GIGYF2: variants seen among roughly 807,000 people sequenced by gnomAD.
GIGYF2 encodes the protein GRB10 interacting GYF protein 2.
In GIGYF2, 25 loss-of-function variants were observed where a neutral mutation model predicts 208.1. The ratio of observed to expected loss-of-function variants is 0.12; its 90% confidence interval spans 0.09 to 0.17. The LOEUF is 0.17. Ranked by LOEUF, GIGYF2 falls within the 10% of genes least tolerant of loss-of-function variation. The pLI, the probability that GIGYF2 is intolerant of heterozygous loss-of-function variation, is 1.00. For synonymous variants in GIGYF2, 534 were observed against 543.8 expected (o/e 0.98, Z 0.25); for missense variants, 1,302 against 1,579.4 (o/e 0.82, Z 2.98).
At chr2:232,725,727 G>GT (rs1184351320) in intron 2 of GIGYF2, among the ~76,000 whole-genome samples, 2 of 152,142 alleles carry the variant, frequency 1.3e-5, no homozygotes, top group Non-Finnish European at 2.9e-5. Context: ...GGTACTCATT[G>GT]TTTTTTTATT....
At position 232,711,707 on chromosome 2, in the gene GIGYF2, A is replaced by G. The variant is rs13432446; in HGVS notation, c.-44+8218A>G. Reference sequence around the variant, plus strand: ...AGGAAAATTATCCTCACAATGATGTATATATATATATATATATATAGTTGT... The same window carrying G: ...AGGAAAATTATCCTCACAATGATGTGTATATATATATATATATATAGTTGT... On this transcript the variant is annotated intron_variant, in intron 2 of 28. Coordinates refer to ENST00000373563, the MANE Select transcript of GIGYF2 (RefSeq NM_001103146.3). Among the ~76,000 whole-genome samples, 108 of 134,322 alleles carry G rather than the reference A, an allele frequency of 8.0e-4. 1 individual carries two copies. The highest frequency in any genetic ancestry group is 2.1e-3 in the South Asian group (9 of 4,328). The allele number at this position is 134,322 out of a possible 152,430, so 88.1% of individuals were successfully genotyped here.
At chr2:232,854,780 G>A (rs1225177809) in intron 28 of GIGYF2, among the ~76,000 whole-genome samples, 2 of 152,120 alleles carry the variant, frequency 1.3e-5, no homozygotes, top group Non-Finnish European at 2.9e-5. Context: ...CATTTCAAAT[G>A]TGTATTTATT....
At chr2:232,743,995 A>G (rs1433030891) in intron 3 of GIGYF2, among the ~76,000 whole-genome samples, 1 of 151,934 alleles carries the variant, frequency 6.6e-6, no homozygotes, top group Admixed American at 6.6e-5. Flanking sequence ...ACAGGCGTGC[A>G]CCACCATGCT....
chr2:232,708,764 A>T (rs560686680), intron 2 of GIGYF2, among the ~76,000 whole-genome samples: 25 of 151,798 alleles, frequency 1.6e-4, no homozygotes, highest in African/African-American at 5.6e-4. Flanking sequence ...TCCCAGGCTC[A>T]AGTGATCCTC....
In GIGYF2 at chr2:232,845,728, T is replaced by C; in HGVS notation, c.3306-4T>C. ...TATAATATCACCCTATTGTTTTGCTTTAGTAAATCTGTAGGTGTGTCTAAC... is the reference window on the plus strand; with the variant it reads ...TATAATATCACCCTATTGTTTTGCTCTAGTAAATCTGTAGGTGTGTCTAAC... On this transcript the variant is annotated splice_region_variant and splice_polypyrimidine_tract_variant and intron_variant, in intron 25 of 28. Coordinates refer to ENST00000373563, the MANE Select transcript of GIGYF2 (RefSeq NM_001103146.3). The C allele has an allele frequency of 6.3e-7, 1 of 1,593,076 alleles. No individual in the cohort carries two copies. Among genetic ancestry groups the C allele is most frequent in the Non-Finnish European group, 8.6e-7 (1 of 1,160,744 alleles).
chr2:232,774,464 AGAGAG>A (rs1377336999), intron 8 of GIGYF2, among the ~76,000 whole-genome samples: 1 of 152,220 alleles, frequency 6.6e-6, no homozygotes, highest in African/African-American at 2.4e-5. Flanking sequence ...AAAGCAATGT[AGAGAG>A]GAGAGTTATG....
intron 2 of GIGYF2, among the ~76,000 whole-genome samples, chr2:232,728,820 A>G (rs1409340348): frequency 2.0e-5 from 3 of 152,136 alleles, no homozygotes; most frequent in Non-Finnish European, 4.4e-5. Flanking sequence ...AGGAAAAGGG[A>G]GGTCATAGTT....
At chr2:232,745,101 CT>C (rs1440296844) in intron 3 of GIGYF2, among the ~76,000 whole-genome samples, 1 of 152,050 alleles carries the variant, frequency 6.6e-6, no homozygotes, top group Non-Finnish European at 1.5e-5. Flanking sequence ...GGGGTAGTTC[CT>C]TTCTTCTTGG....
At chr2:232,837,280 T>G (rs1227209522) in intron 22 of GIGYF2, among the ~76,000 whole-genome samples, 6 of 152,202 alleles carry the variant, frequency 3.9e-5, no homozygotes, top group African/African-American at 1.2e-4. Context: ...AGGGAAGCCG[T>G]GTCTTGACTG....
intron 14 of GIGYF2, among the ~76,000 whole-genome samples, chr2:232,804,387 T>TG (rs1318801330): frequency 1.3e-5 from 2 of 151,850 alleles, no homozygotes; most frequent in African/African-American, 4.8e-5. Context: ...CTCAGTTTTT[T>TG]TTTTTTTTTT....
At chr2:232,784,388 T>TTTTTTTTTTC in intron 8 of GIGYF2, among the ~76,000 whole-genome samples, 1 of 105,162 alleles carries the variant, frequency 9.5e-6, no homozygotes, top group Non-Finnish European at 1.8e-5. Context: ...AATAATTTCT[T>TTTTTTTTTTC]TTTTTTTTTT....
intron 12 of GIGYF2, 106 bp from the exon 13 acceptor site, chr2:232,794,642 G>A (rs989626800): frequency 9.3e-6 from 8 of 861,344 alleles, no homozygotes; most frequent in Middle Eastern, 4.6e-4. Context: ...CAGGGCTCAC[G>A]TTTTCTGTTT....
At chr2:232,758,906 A>G (rs1308975556) in intron 6 of GIGYF2, among the ~76,000 whole-genome samples, 1 of 152,178 alleles carries the variant, frequency 6.6e-6, no homozygotes, top group Non-Finnish European at 1.5e-5. Context: ...GATCTTAAAT[A>G]CAGTGTATAC....
rs140938942 is a variant in GIGYF2 at position 232,858,863 on chromosome 2, A to C, written c.*2003A>C. 3.3e-3 allele frequency: 911 copies of C among 277,798 alleles called. 4 individuals carry two copies. The highest frequency in any genetic ancestry group is 0.014 in the African/African-American group (628 of 45,112). The allele number at this position is 277,798 out of a possible 1,614,324, so 17.2% of individuals were successfully genotyped here. On this transcript the variant is annotated 3_prime_UTR_variant, in exon 29 of 29. Transcript: ENST00000373563. The stretch of plus-strand genomic sequence containing the variant: ...TTTTTGACTCTCCCTTTCTGCTAAC[A>C]TGTGGATCAGCTCCTGCCCTCATAC...
At chr2:232,788,623 G>C (rs1219726983) in intron 9 of GIGYF2, 2 of 467,984 alleles carry the variant, frequency 4.3e-6, no homozygotes, top group African/African-American at 4.0e-5. Context: ...TGTGTTTTTT[G>C]AGCCCAAATG....
intron 15 of GIGYF2, 57 bp from the exon 16 acceptor site, chr2:232,809,663 T>G (rs1700672094): frequency 2.0e-6 from 2 of 998,548 alleles, no homozygotes; most frequent in Admixed American, 1.7e-5. Context: ...CTAAGTGGCT[T>G]TTAGGTTCTT....
At chr2:232,771,535 T>C (rs1398595662) in intron 8 of GIGYF2, 2 of 541,474 alleles carry the variant, frequency 3.7e-6, no homozygotes, top group East Asian at 2.9e-5. Context: ...TGGCATTTAC[T>C]AAGTCATTCA....
chr2:232,787,436 G>A, intron 9 of GIGYF2, 107 bp downstream of exon 9: 1 of 964,344 alleles, frequency 1.0e-6, no homozygotes, highest in Non-Finnish European at 1.6e-6. Flanking sequence ...ATGTGGGGGT[G>A]GATTCATATT....
At chr2:232,699,823 G>T (rs950537849) in intron 1 of GIGYF2, among the ~76,000 whole-genome samples, 2 of 152,180 alleles carry the variant, frequency 1.3e-5, no homozygotes, top group African/African-American at 4.8e-5. Context: ...GTGCTGTCCA[G>T]CCCGGAGACT....
Sources: allele counts gnomAD v4.1 joint callset (sites outside exome capture counted in the v4.1 genomes callset), GRCh38; gene constraint gnomAD v4.1.1; transcripts MANE v1.5; gene names NCBI Gene and HGNC (gene_info 2026-07-23, HGNC 2026-07-21).